The following MROH2B variants were observed in gnomAD, a reference collection of about 807,000 sequenced individuals.
MROH2B encodes maestro heat like repeat family member 2B.
MROH2B carries 177 observed loss-of-function variants against 208.6 expected under a neutral mutation model. The ratio of observed to expected loss-of-function variants is 0.85; its 90% CI spans 0.75 to 0.96. MROH2B has a LOEUF of 0.96. Among genes scored for constraint, MROH2B ranks in the 40% least tolerant of loss-of-function variants. MROH2B has a pLI of 0.00. For missense variants in MROH2B, 2,002 were observed against 1,878.7 expected (o/e 1.07, Z -1.21); for synonymous variants, 728 against 659.0 (o/e 1.10, Z -1.60).
intron 34 of MROH2B, among the ~76,000 whole-genome samples, chr5:41,006,830 T>TG (rs1561275279): frequency 6.6e-6 from 1 of 151,794 alleles, no homozygotes; most frequent in Non-Finnish European, 1.5e-5. Flanking sequence ...TTTGGGGGTT[T>TG]GGGGGAAAGG....
At chr5:41,030,884 T>A (rs909324794) in intron 24 of MROH2B, among the ~76,000 whole-genome samples, 1 of 152,090 alleles carries the variant, frequency 6.6e-6, no homozygotes, top group African/African-American at 2.4e-5. Context: ...GATTATAAAT[T>A]TTATGTTTTA....
chr5:40,999,038 A>G (rs929235495), intron 40 of MROH2B, among the ~76,000 whole-genome samples: 4 of 152,220 alleles, frequency 2.6e-5, no homozygotes, highest in African/African-American at 9.6e-5. Context: ...GAATCTTCAG[A>G]TTTTTAATTT....
chr5:41,018,126 G>A lies in MROH2B; in HGVS notation c.2764-156C>T, dbSNP rs77477497. 6.3e-3 allele frequency among the ~76,000 whole-genome samples: 959 copies of A among 152,260 alleles called. 12 individuals carry two copies. The highest frequency in any genetic ancestry group is 0.022 in the African/African-American group (917 of 41,552). On this transcript the variant is annotated intron_variant, in intron 27 of 41. Coordinates refer to ENST00000399564, the MANE Select transcript of MROH2B (RefSeq NM_173489.5). ...TCTCCTAAAAGATGCCTATTTTTAA[G>A]GGCAGTGGAGAAGTAAGCATGCATG...
At position 41,070,868 on chromosome 5, in the gene MROH2B, G is replaced by T; in HGVS notation, c.-16C>A. The T allele has an allele frequency of 1.9e-6, 3 of 1,609,818 alleles. No individual in the cohort carries two copies. The highest frequency in any genetic ancestry group is 2.5e-6 in the Non-Finnish European group (3 of 1,177,942). On this transcript the variant is annotated 5_prime_UTR_variant, in exon 1 of 42. It adds an upstream start codon to the 5' untranslated region. Transcript: ENST00000399564. ...TAAGTGTCATGTCTTGGCTGTTTCA[G>T]GGTCTCTAAAAGATAGCACCTAAGT...
At chr5:41,067,714 G>T (rs779136214) in intron 2 of MROH2B, among the ~76,000 whole-genome samples, 7 of 152,114 alleles carry the variant, frequency 4.6e-5, no homozygotes, top group Admixed American at 1.3e-4. Flanking sequence ...GGAGTCAAAG[G>T]CTACAGAGCA....
Position 41,001,219 on chromosome 5 carries a change from A to T in MROH2B, c.4195-386T>A, listed in dbSNP as rs181911689. Among the ~76,000 whole-genome samples the T allele has an allele frequency of 3.3e-5, 5 of 151,966 alleles. No individual in the cohort carries two copies. In the East Asian group the frequency reaches 9.7e-4, roughly 30 times the overall value. ...TGCGTTACTAGCCTAGAATTATGGG[A>T]CCTCTAATCTTAATTGTCCAAGGCT... is the stretch of plus-strand genomic sequence containing the variant. On this transcript the variant is annotated intron_variant, in intron 37 of 41. Coordinates refer to ENST00000399564, the MANE Select transcript of MROH2B (RefSeq NM_173489.5).
chr5:41,017,036 C>T (rs895672702), intron 28 of MROH2B, among the ~76,000 whole-genome samples: 12 of 152,042 alleles, frequency 7.9e-5, no homozygotes, highest in Non-Finnish European at 1.8e-4. Flanking sequence ...TAGAACAGTG[C>T]CTGACACATG....
rs755896077 is a variant in MROH2B, at chr5:41,015,414, C to G, written c.2949G>C (p.Gln983His). The change falls in exon 29 of 42, where the codon CAG becomes CAC. Residue 983 changes from glutamine (Q) to histidine (H), a missense_variant. Transcript: ENST00000399564. ...LQEGLESDDV[Q>H]VQIKISSKIA... is the part of the protein sequence containing the mutation. Reference sequence around the variant, plus strand: ...TTTTAGAAGAAATCTTGATCTGAACCTGCACGTCATCACTTTCCAGCCCTT... The same window carrying G: ...TTTTAGAAGAAATCTTGATCTGAACGTGCACGTCATCACTTTCCAGCCCTT... The G allele has an allele frequency of 4.3e-6, 7 of 1,613,482 alleles. No individual in the cohort carries two copies. The highest frequency in any genetic ancestry group is 1.1e-5 in the South Asian group (1 of 91,024).
At chr5:41,042,036 T>C in intron 19 of MROH2B, 56 bp downstream of exon 19, 1 of 905,244 alleles carries the variant, frequency 1.1e-6, no homozygotes, top group East Asian at 2.7e-5. Context: ...GTTTTGTGGA[T>C]AGGATTAGTT....
In MROH2B at chr5:41,009,982, G is replaced by GCTAT. The variant is rs1343869368; in HGVS notation, c.3229_3232dup (p.Ala1078AspfsTer21). On this transcript the variant is annotated frameshift_variant, in exon 31 of 42. Transcript: ENST00000399564. LOFTEE classifies it high-confidence loss of function. ...AACAACTGTATCCATGTGAAAGCTGGCTATCTGGGAGATGGCTTCTAGAAT... is the reference window on the plus strand; with the variant it reads ...AACAACTGTATCCATGTGAAAGCTGGCTATCTATCTGGGAGATGGCTTCTAGAAT... 1 of 1,613,720 alleles carries GCTAT rather than the reference G, an allele frequency of 6.2e-7. No individual in the cohort carries two copies. Among genetic ancestry groups the GCTAT allele is most frequent in the Admixed American group, 1.7e-5 (1 of 59,980 alleles).
In MROH2B at chr5:41,004,405, G is replaced by C; in HGVS notation, c.4135C>G (p.Arg1379Gly). The C allele has an allele frequency of 1.2e-6, 2 of 1,613,924 alleles. No homozygotes were observed. The highest frequency in any genetic ancestry group is 2.2e-5 in the East Asian group (1 of 44,882). The change falls in exon 37 of 42, where the codon CGA becomes GGA. Residue 1379 changes from arginine to glycine, a missense_variant. Physicochemically the swap from Arg to Gly is moderately radical, Grantham distance 125 (BLOSUM62 -2). Transcript: ENST00000399564. ...LKKILELLTDRDVSFYFKEIV... is the reference protein window; with the variant it reads ...LKKILELLTDGDVSFYFKEIV... ...TCCTTGAAGTAGAAGCTCACGTCTC[G>C]GTCTGTCAGCAGCTCCAGGATTTTT...
intron 29 of MROH2B, among the ~76,000 whole-genome samples, chr5:41,014,231 C>T (rs1741864938): frequency 6.6e-6 from 1 of 152,156 alleles, no homozygotes; most frequent in Admixed American, 6.6e-5. Flanking sequence ...ATGATGTTGT[C>T]TTACATGAGG....
rs1310289761 is a variant in MROH2B, at chr5:41,071,041, G to A, written c.-189C>T. The A allele has an allele frequency of 1.7e-6, 1 of 591,518 alleles. No individual in the cohort carries two copies. Among genetic ancestry groups the A allele is most frequent in the Non-Finnish European group, 3.0e-6 (1 of 334,268 alleles). 36.6% of individuals were successfully genotyped at this position (591,518 alleles called of 1,614,324 possible). On this transcript the variant is annotated 5_prime_UTR_variant, in exon 1 of 42. Coordinates refer to ENST00000399564, the MANE Select transcript of MROH2B (RefSeq NM_173489.5). ...TTCCAGAGATGGGCTTGCTGTTGAA[G>A]TTGATACTGTATTCTACCACTATGA...
intron 37 of MROH2B, among the ~76,000 whole-genome samples, chr5:41,001,825 C>T (rs60170890): frequency 0.2 from 30,844 of 151,710 alleles, 3,541 homozygotes; most frequent in Middle Eastern, 0.31. Flanking sequence ...AGGGAAGAAA[C>T]GAAGTGAGAT....
chr5:41,005,412 A>AAGCC lies in MROH2B; in HGVS notation c.3864+118_3864+119insGGCT. ...GCAGTAGCTGGTCTCTCCTCTATGAAACCCCCCCCCCCCTTGAAGTCTCTC... is the reference window on the plus strand; with the variant it reads ...GCAGTAGCTGGTCTCTCCTCTATGAAAGCCACCCCCCCCCCCCTTGAAGTCTCTC... On this transcript the variant is annotated intron_variant, in intron 35 of 41. Transcript: ENST00000399564. The AAGCC allele has an allele frequency of 3.7e-5, 7 of 191,778 alleles. 1 individual carries two copies. In the Admixed American group the frequency reaches 3.9e-4, roughly 11 times the overall value. The allele number at this position is 191,778 out of a possible 1,614,324, so 11.9% of individuals were successfully genotyped here.
chr5:41,025,074 C>G (rs921240615), intron 24 of MROH2B, among the ~76,000 whole-genome samples: 1 of 152,038 alleles, frequency 6.6e-6, no homozygotes, highest in African/African-American at 2.4e-5. Flanking sequence ...ATGCCCACAA[C>G]AGAAAGCAGG....
At chr5:41,038,619 G>A (rs1478592748) in intron 21 of MROH2B, 117 bp downstream of exon 21, 4 of 974,372 alleles carry the variant, frequency 4.1e-6, no homozygotes, top group African/African-American at 1.6e-5. Flanking sequence ...CTGTTTTCAC[G>A]TGGCTGATAA....
chr5:41,053,996 T>A (rs78767154), intron 11 of MROH2B, among the ~76,000 whole-genome samples: 2 of 151,962 alleles, frequency 1.3e-5, no homozygotes, highest in South Asian at 2.1e-4. Flanking sequence ...TTTTTTTTTT[T>A]AAAGAGAGAG....
At chr5:41,013,899 T>C (rs1235032427) in intron 29 of MROH2B, among the ~76,000 whole-genome samples, 1 of 152,220 alleles carries the variant, frequency 6.6e-6, no homozygotes, top group Non-Finnish European at 1.5e-5. Context: ...TTGTTTCTAA[T>C]TGCCTCATTT....
Sources: gnomAD v4.1 joint callset for allele counts (sites outside exome capture counted in the v4.1 genomes callset) on GRCh38, gnomAD v4.1.1 for gene constraint, MANE v1.5 for transcripts, NCBI Gene and HGNC (gene_info 2026-07-23, HGNC 2026-07-21) for gene names.